The following EYS variants were observed in gnomAD, a reference collection of about 807,000 sequenced individuals.
EYS encodes the protein EGF-like photoreceptor maintenance factor, also known as protein eyes shut homolog.
Under a neutral mutation model 282.1 loss-of-function variants are expected in EYS, and 250 were observed. The observed-to-expected ratio is 0.89, with a 90% confidence interval of 0.80 to 0.98. The LOEUF (loss-of-function observed/expected upper bound fraction) is 0.98, where lower values mean the gene tolerates loss of function less well. Ranked by LOEUF, EYS falls within the 50% of genes least tolerant of loss-of-function variation. The pLI, the probability that EYS is intolerant of heterozygous loss-of-function variation, is 0.00. For missense variants in EYS, 4,016 were observed against 3,709.0 expected (o/e 1.08, Z -2.15); for synonymous variants, 1,355 against 1,282.9 (o/e 1.06, Z -1.20).
intron 18 of EYS, among the ~76,000 whole-genome samples, chr6:64,897,075 G>A (rs1342202159): frequency 6.6e-6 from 1 of 152,198 alleles, no homozygotes; most frequent in Non-Finnish European, 1.5e-5. Flanking sequence ...GAAGAGAGCA[G>A]TGGATCACCC....
intron 22 of EYS, among the ~76,000 whole-genome samples, chr6:64,750,532 A>C (rs1402900067): frequency 1.3e-5 from 2 of 152,154 alleles, no homozygotes; most frequent in African/African-American, 4.8e-5. Context: ...AAAAAAAGAA[A>C]AGATAAGAGC....
chr6:64,837,376 CG>C (rs1765412363), intron 19 of EYS, among the ~76,000 whole-genome samples: 1 of 150,988 alleles, frequency 6.6e-6, no homozygotes, highest in African/African-American at 2.4e-5. Flanking sequence ...TAACAACATA[CG>C]AAAGGGGGGA....
chr6:65,218,645 T>C (rs1189032199), intron 12 of EYS, among the ~76,000 whole-genome samples: 1 of 152,102 alleles, frequency 6.6e-6, no homozygotes, highest in African/African-American at 2.4e-5. Flanking sequence ...TTCAACCTAG[T>C]CCCAGGCCTA....
chr6:65,622,192 ATTG>A (rs1766527941), intron 2 of EYS, among the ~76,000 whole-genome samples: 1 of 152,126 alleles, frequency 6.6e-6, no homozygotes, highest in Non-Finnish European at 1.5e-5. Context: ...TGGTTAATCC[ATTG>A]TTTTCTTCAC....
intron 28 of EYS, among the ~76,000 whole-genome samples, chr6:64,403,919 G>GTT (rs1773620188): frequency 6.6e-6 from 1 of 152,122 alleles, no homozygotes; most frequent in African/African-American, 2.4e-5. Flanking sequence ...GGAAAATCCA[G>GTT]TTTTTTGTTC....
intron 26 of EYS, among the ~76,000 whole-genome samples, chr6:64,487,243 G>A (rs562976934): frequency 3.7e-4 from 56 of 150,954 alleles, no homozygotes; most frequent in Non-Finnish European, 5.8e-4. Flanking sequence ...TATTACAGCC[G>A]CCACTTTATA....
At chr6:65,387,055 C>A (rs1765828276) in intron 7 of EYS, among the ~76,000 whole-genome samples, 1 of 151,862 alleles carries the variant, frequency 6.6e-6, no homozygotes, top group Non-Finnish European at 1.5e-5. Context: ...AAACAATACT[C>A]TTATCCTCTT....
intron 26 of EYS, among the ~76,000 whole-genome samples, chr6:64,539,806 T>C (rs1764641640): frequency 6.6e-6 from 1 of 152,202 alleles, no homozygotes; most frequent in Non-Finnish European, 1.5e-5. Flanking sequence ...CCAACTAACA[T>C]GCATGTCCTC....
chr6:64,738,632 C>T (rs1484422879), intron 22 of EYS, among the ~76,000 whole-genome samples: 2 of 152,024 alleles, frequency 1.3e-5, no homozygotes, highest in African/African-American at 4.8e-5. Context: ...AGAAAATGAA[C>T]AGTTTAGTCT....
At chr6:64,247,179 G>A (rs1177467702) in intron 30 of EYS, among the ~76,000 whole-genome samples, 1 of 151,932 alleles carries the variant, frequency 6.6e-6, no homozygotes, top group Non-Finnish European at 1.5e-5. Context: ...TAAAATACAA[G>A]CCACCATTAA....
chr6:64,697,286 C>T (rs886667689), intron 22 of EYS, among the ~76,000 whole-genome samples: 1 of 151,852 alleles, frequency 6.6e-6, no homozygotes, highest in African/African-American at 2.4e-5. Context: ...AAATCAAAAA[C>T]AGTAAAAAAA....
chr6:65,150,743 G>A (rs1481020859), intron 12 of EYS, among the ~76,000 whole-genome samples: 2 of 151,682 alleles, frequency 1.3e-5, no homozygotes, highest in Non-Finnish European at 2.9e-5. Context: ...TAGGTTACTA[G>A]TGGATTATTT....
intron 19 of EYS, among the ~76,000 whole-genome samples, chr6:64,854,845 T>C (rs2150044295): frequency 6.6e-6 from 1 of 152,266 alleles, no homozygotes; most frequent in East Asian, 1.9e-4. Context: ...GATCATACTG[T>C]TTCTGGAGGA....
At chr6:65,272,507 A>G (rs1233363848) in intron 12 of EYS, among the ~76,000 whole-genome samples, 1 of 152,154 alleles carries the variant, frequency 6.6e-6, no homozygotes, top group African/African-American at 2.4e-5. Flanking sequence ...TGCATCAATC[A>G]GAATCTAAAT....
intron 37 of EYS, among the ~76,000 whole-genome samples, chr6:63,798,981 A>ATG (rs1170085864): frequency 5.5e-4 from 61 of 110,402 alleles, no homozygotes; most frequent in East Asian, 9.9e-4. Context: ...ATATATGTAT[A>ATG]TGTGTGTATA....
At chr6:64,967,067 C>A (rs1408824486) in intron 14 of EYS, among the ~76,000 whole-genome samples, 1 of 152,054 alleles carries the variant, frequency 6.6e-6, no homozygotes, top group Non-Finnish European at 1.5e-5. Flanking sequence ...TTTGAAGTTT[C>A]TTTCTAATCA....
intron 22 of EYS, among the ~76,000 whole-genome samples, chr6:64,690,796 A>T (rs1770353470): frequency 6.6e-6 from 1 of 151,402 alleles, no homozygotes; most frequent in Non-Finnish European, 1.5e-5. Context: ...ACTTGGACAA[A>T]GGATGGGGAA....
At chr6:65,201,298 G>C (rs1413181127) in intron 12 of EYS, among the ~76,000 whole-genome samples, 1 of 152,122 alleles carries the variant, frequency 6.6e-6, no homozygotes, top group Non-Finnish European at 1.5e-5. Context: ...TAACATAAAT[G>C]AATAAATGTC....
At chr6:64,415,128 G>A (rs988532336) in intron 28 of EYS, among the ~76,000 whole-genome samples, 6 of 152,134 alleles carry the variant, frequency 3.9e-5, no homozygotes, top group Non-Finnish European at 7.3e-5. Flanking sequence ...CCACACTGGC[G>A]AAGAAAAAAT....
Sources: gnomAD v4.1 joint callset for allele counts (sites outside exome capture counted in the v4.1 genomes callset) on GRCh38, gnomAD v4.1.1 for gene constraint, MANE v1.5 for transcripts, NCBI Gene and HGNC (gene_info 2026-07-23, HGNC 2026-07-21) for gene names.